Variants in HIGD1C observed in about 807,000 individuals in gnomAD.
HIGD1C encodes the protein HIG1 domain family member 1C.
Under a neutral mutation model 13.1 loss-of-function variants are expected in HIGD1C, and 11 were observed. That is an observed-to-expected ratio of 0.84 (90% CI 0.53 to 1.39). HIGD1C has a LOEUF of 1.39. Ranked by LOEUF, HIGD1C falls within the 40% of genes most tolerant of loss-of-function variation. The probability of loss-of-function intolerance (pLI) is 0.00; values close to 1 mark genes in which losing one functional copy is unlikely to be tolerated. For missense variants in HIGD1C, 110 were observed against 112.0 expected (o/e 0.98, Z 0.08); for synonymous variants, 36 against 37.7 (o/e 0.95, Z 0.17).
the HIGD1C span, among the ~76,000 whole-genome samples, chr12:50,947,487 C>G: frequency 6.6e-6 from 1 of 152,104 alleles, no homozygotes; most frequent in Admixed American, 6.6e-5. Flanking sequence ...ATCTCTCAAC[C>G]TGACTTGATT....
the HIGD1C span, among the ~76,000 whole-genome samples, chr12:50,934,361 C>G: frequency 6.6e-6 from 1 of 152,162 alleles, no homozygotes; most frequent in Non-Finnish European, 1.5e-5. Context: ...AGCAAGTTAT[C>G]TGTTTTTTCA....
chr12:50,953,889 AATGAAAACAAAAAAACAC>A, upstream of HIGD1C: 3 of 633,576 alleles, frequency 4.7e-6, no homozygotes, highest in Non-Finnish European at 8.2e-6. Context: ...TTATCAAACA[AATGAAAACAAAAAAACAC>A]ATAATCAAGA....
intron 2 of HIGD1C, among the ~76,000 whole-genome samples, chr12:50,968,042 C>T (rs1354827770): frequency 6.6e-6 from 1 of 152,028 alleles, no homozygotes; most frequent in Non-Finnish European, 1.5e-5. Context: ...GCCTTGCTCA[C>T]GCCACTGCAC....
At chr12:50,938,932 C>G in the HIGD1C span, among the ~76,000 whole-genome samples, 1 of 152,156 alleles carries the variant, frequency 6.6e-6, no homozygotes, top group African/African-American at 2.4e-5. Flanking sequence ...GTCCAATTCA[C>G]CCCACTAACA....
At chr12:50,948,827 G>A in the HIGD1C span, among the ~76,000 whole-genome samples, 2 of 111,986 alleles carry the variant, frequency 1.8e-5, no homozygotes, top group Non-Finnish European at 3.5e-5. Context: ...AGCTGAGATT[G>A]CACCACTGCA....
intron 2 of HIGD1C, among the ~76,000 whole-genome samples, chr12:50,968,673 C>A (rs1939641416): frequency 6.6e-6 from 1 of 152,052 alleles, no homozygotes; most frequent in Non-Finnish European, 1.5e-5. Flanking sequence ...TCCTGAGTAG[C>A]TGGGATTACA....
At chr12:50,944,643 T>C in the HIGD1C span, among the ~76,000 whole-genome samples, 10 of 152,292 alleles carry the variant, frequency 6.6e-5, no homozygotes, top group East Asian at 1.9e-3. Flanking sequence ...TCCCAGCACT[T>C]TGGGAAGCTG....
intron 2 of HIGD1C, among the ~76,000 whole-genome samples, chr12:50,965,111 GT>G (rs1187299208): frequency 2.6e-5 from 4 of 151,618 alleles, no homozygotes; most frequent in Non-Finnish European, 5.9e-5. Context: ...ATGTTTGTGG[GT>G]TTTTTTGTTT....
the HIGD1C span, among the ~76,000 whole-genome samples, chr12:50,939,491 T>C: frequency 6.6e-6 from 1 of 152,144 alleles, no homozygotes; most frequent in African/African-American, 2.4e-5. Flanking sequence ...CTCAAAATTA[T>C]GAAAGTACCT....
the HIGD1C span, among the ~76,000 whole-genome samples, chr12:50,942,677 G>A: frequency 1.3e-5 from 2 of 152,148 alleles, no homozygotes; most frequent in South Asian, 2.1e-4. Flanking sequence ...AGGCCAGCCT[G>A]GGCAACATGG....
chr12:50,945,870 T>C, the HIGD1C span, among the ~76,000 whole-genome samples: 2 of 152,112 alleles, frequency 1.3e-5, no homozygotes, highest in Non-Finnish European at 2.9e-5. Flanking sequence ...ATGGTACTGG[T>C]ACCAAAACAG....
At chr12:50,942,721 G>A in the HIGD1C span, among the ~76,000 whole-genome samples, 588 of 152,090 alleles carry the variant, frequency 3.9e-3, 7 homozygotes, top group African/African-American at 0.013. Flanking sequence ...AAAATTAGCC[G>A]GGCATGGTGG....
At chr12:50,955,625 CTAAG>C (rs1232578175) in intron 1 of HIGD1C, among the ~76,000 whole-genome samples, 4 of 152,158 alleles carry the variant, frequency 2.6e-5, no homozygotes, top group Non-Finnish European at 4.4e-5. Context: ...TAGCAACTTC[CTAAG>C]TGTCATTATT....
the HIGD1C span, among the ~76,000 whole-genome samples, chr12:50,933,533 G>A: frequency 6.6e-6 from 1 of 152,258 alleles, no homozygotes; most frequent in Admixed American, 6.5e-5. Flanking sequence ...TCAGGAGCCA[G>A]ACAATCTCTA....
the HIGD1C span, among the ~76,000 whole-genome samples, chr12:50,934,487 G>A: frequency 1.3e-5 from 2 of 152,214 alleles, no homozygotes; most frequent in Admixed American, 6.5e-5. Context: ...TGTCTACTGT[G>A]TGCTCTGCTC....
chr12:50,964,337 T>C (rs984373071), intron 2 of HIGD1C, among the ~76,000 whole-genome samples: 15 of 152,250 alleles, frequency 9.9e-5, no homozygotes, highest in Admixed American at 9.8e-4. Flanking sequence ...GTTATTTGAC[T>C]GGTGGGGTGA....
At chr12:50,971,023 C>A (rs528151712), downstream of HIGD1C, among the ~76,000 whole-genome samples, 77 of 152,150 alleles carry the variant, frequency 5.1e-4, no homozygotes, top group African/African-American at 1.8e-3. Context: ...GGATTACAAG[C>A]ACCCACCACC....
chr12:50,969,713 A>AAC (rs1276245754), intron 2 of HIGD1C, among the ~76,000 whole-genome samples: 1 of 151,380 alleles, frequency 6.6e-6, no homozygotes, highest in African/African-American at 2.4e-5. Context: ...AAAAAAAAAA[A>AAC]AACAAAAACA....
the HIGD1C span, among the ~76,000 whole-genome samples, chr12:50,938,461 G>C: frequency 1.3e-5 from 2 of 152,192 alleles, no homozygotes; most frequent in African/African-American, 2.4e-5. Context: ...GGGATGCCCA[G>C]GTCCAGAACC....
Sources: gnomAD v4.1 joint callset for allele counts (sites outside exome capture counted in the v4.1 genomes callset) on GRCh38, gnomAD v4.1.1 for gene constraint, MANE v1.5 for transcripts, NCBI Gene and HGNC (gene_info 2026-07-23, HGNC 2026-07-21) for gene names.